Variants in SMO observed in about 807,000 individuals in gnomAD.
SMO encodes the protein smoothened, frizzled class receptor.
Under a neutral mutation model 81.6 loss-of-function variants are expected in SMO, and 40 were observed. That is an observed-to-expected ratio of 0.49 (90% confidence interval 0.38 to 0.64). SMO has a LOEUF of 0.64. SMO is among the 30% of genes least tolerant of loss of function. The pLI, the probability that SMO is intolerant of heterozygous loss-of-function variation, is 0.00. For missense variants in SMO, 916 were observed against 1,061.1 expected, an observed-to-expected ratio of 0.86 and a Z score of 1.90; for synonymous variants, 434 against 432.1, an observed-to-expected ratio of 1.00 and a Z score of -0.05.
rs1793890569 is a variant in SMO at position 129,212,386 on chromosome 7, G to A, written c.2299G>A (p.Gly767Arg). ...GGCTCATGGCCGCCGACAGGGCCTG[G>A]GGCCTATTCACTCCCGCACCAACCT... The part of the protein sequence containing the change: ...AWAHGRRQGL[G>R]PIHSRTNLMD... The change falls in exon 12 of 12, where the codon GGG (glycine) becomes AGG (arginine). Residue 767 changes from glycine (G) to arginine (R), a missense_variant. Coordinates refer to ENST00000249373, the MANE Select transcript of SMO (RefSeq NM_005631.5). The surrounding 1 kb of genome is among the most constrained non-coding windows in gnomAD (Gnocchi z 5.0). The A allele has an allele frequency of 6.2e-7, 1 of 1,614,078 alleles. No homozygotes were observed. The highest frequency in any genetic ancestry group is 8.5e-7 in the Non-Finnish European group (1 of 1,180,044).
At chr7:129,209,458 C>T in intron 8 of SMO, 61 bp downstream of exon 8, 1 of 1,029,522 alleles carries the variant, frequency 9.7e-7, no homozygotes, top group Non-Finnish European at 1.5e-6. Context: ...TAAAGACACC[C>T]ACCTCCACCC....
chr7:129,213,478 C>T lies in SMO; in HGVS notation c.*1027C>T. ...TTTCAAGAATCAGACAGCAGGAAGC[C>T]ATAGATGCTGGCTGGGTTCCAGGTT... is the stretch of plus-strand genomic sequence containing the variant. On this transcript the variant is annotated 3_prime_UTR_variant, in exon 12 of 12. Coordinates refer to ENST00000249373, the MANE Select transcript of SMO (RefSeq NM_005631.5). 1 of 232,664 alleles carries T rather than the reference C, an allele frequency of 4.3e-6. No individual in the cohort carries two copies. The highest frequency in any genetic ancestry group is 6.1e-5 in the East Asian group (1 of 16,438). The allele number at this position is 232,664 out of a possible 1,614,324, so 14.4% of individuals were successfully genotyped here. A position where few individuals can be genotyped will look rare whatever the true frequency, so the allele number is the denominator to read the frequency against.
chr7:129,201,234 A>G (rs1443651767), intron 1 of SMO, among the ~76,000 whole-genome samples: 1 of 151,788 alleles, frequency 6.6e-6, no homozygotes, highest in African/African-American at 2.4e-5. Context: ...TTTAGTAGAG[A>G]CAGGGTTTCA....
chr7:129,199,230 G>A, intron 1 of SMO, among the ~76,000 whole-genome samples: 1 of 137,754 alleles, frequency 7.3e-6, no homozygotes, highest in Non-Finnish European at 1.5e-5. Context: ...CACCCAGACT[G>A]GAGTGCAATG....
rs572939125 is a variant in SMO, at chr7:129,206,096, G to C, written c.921-54G>C. Reference sequence around the variant, plus strand: ...GTCTGGGCACAGGGTGGGGAGACCAGGTAGAGGGAGTACAGAGTGACCGCC... The same window carrying C: ...GTCTGGGCACAGGGTGGGGAGACCACGTAGAGGGAGTACAGAGTGACCGCC... On this transcript the variant is annotated intron_variant, in intron 4 of 11. Transcript: ENST00000249373. The surrounding 1 kb of genome is among the most constrained non-coding windows in gnomAD (Gnocchi z 4.4). 3 of 1,393,810 alleles carry C rather than the reference G, an allele frequency of 2.2e-6. No individual in the cohort carries two copies. Among genetic ancestry groups the C allele is most frequent in the South Asian group, 1.3e-5 (1 of 76,460 alleles). 86.3% of individuals were successfully genotyped at this position (1,393,810 alleles called of 1,614,324 possible).
At position 129,212,499 on chromosome 7, in the gene SMO, C is replaced by A. The variant is rs2150657544; in HGVS notation, c.*48C>A. The A allele has an allele frequency of 1.3e-6, 2 of 1,531,662 alleles. No individual in the cohort carries two copies. Among genetic ancestry groups the A allele is most frequent in the South Asian group, 2.4e-5 (2 of 84,832 alleles). 94.9% of individuals were successfully genotyped at this position (1,531,662 alleles called of 1,614,324 possible). On this transcript the variant is annotated 3_prime_UTR_variant, in exon 12 of 12. Transcript: ENST00000249373. The surrounding 1 kb of genome is among the most constrained non-coding windows in gnomAD (Gnocchi z 5.0). ...CAGGAAAGAGAGGAACCAATACCTT[C>A]AAGGCTCTTCTTCCTCACCGAGCAT...
At chr7:129,195,316 T>TAA (rs917994215) in intron 1 of SMO, among the ~76,000 whole-genome samples, 6 of 152,240 alleles carry the variant, frequency 3.9e-5, no homozygotes, top group African/African-American at 1.4e-4. Context: ...TAGTAGAAAG[T>TAA]CAACACTGGT....
chr7:129,203,728 C>A, intron 2 of SMO, 139 bp downstream of exon 2: 1 of 631,608 alleles, frequency 1.6e-6, no homozygotes, highest in Non-Finnish European at 2.7e-6. Flanking sequence ...GTCAACAGGA[C>A]ACAAACTCAA....
In SMO at chr7:129,204,824, T is replaced by C. The variant is rs1224312776; in HGVS notation, c.538-379T>C. Reference sequence around the variant, plus strand: ...TGAGGTCAGGAGTTCAAGACCAGCCTGGCCAACCTGGTGAAACCCCGTCTA... The same window carrying C: ...TGAGGTCAGGAGTTCAAGACCAGCCCGGCCAACCTGGTGAAACCCCGTCTA... On this transcript the variant is annotated intron_variant, in intron 2 of 11. Transcript: ENST00000249373. 2.7e-5 allele frequency among the ~76,000 whole-genome samples: 4 copies of C among 145,514 alleles called. No homozygotes were observed. In the South Asian group the frequency reaches 6.8e-4, roughly 25 times the overall value.
chr7:129,191,415 A>G (rs1793480266), intron 1 of SMO, among the ~76,000 whole-genome samples: 1 of 152,196 alleles, frequency 6.6e-6, no homozygotes, highest in Non-Finnish European at 1.5e-5. Flanking sequence ...GCCAGCACTG[A>G]GCCCAGCACC....
In SMO at chr7:129,212,007, G is replaced by C. The variant is rs999493348; in HGVS notation, c.1937-17G>C. 6.4e-7 allele frequency: 1 copy of C among 1,567,878 alleles called. No homozygotes were observed. The highest frequency in any genetic ancestry group is 1.2e-5 in the South Asian group (1 of 85,666). Reference sequence around the variant, plus strand: ...AGAGCCAGGGCCCCAGGCTCGTGTTGTCTCTCCTCCTGTCAGTGCCCCCAG... The same window carrying C: ...AGAGCCAGGGCCCCAGGCTCGTGTTCTCTCTCCTCCTGTCAGTGCCCCCAG... On this transcript the variant is annotated splice_polypyrimidine_tract_variant and intron_variant, in intron 11 of 11. Coordinates refer to ENST00000249373, the MANE Select transcript of SMO (RefSeq NM_005631.5). The surrounding 1 kb of genome is among the most constrained non-coding windows in gnomAD (Gnocchi z 5.0).
chr7:129,200,495 C>G (rs1193021909), intron 1 of SMO, among the ~76,000 whole-genome samples: 1 of 151,784 alleles, frequency 6.6e-6, no homozygotes, highest in East Asian at 1.9e-4. Context: ...ATTTTTTTAT[C>G]CATCTGGACT....
chr7:129,211,872 G>A lies in SMO; in HGVS notation c.1936+102G>A. The A allele has an allele frequency of 6.6e-7, 1 of 1,510,160 alleles. No homozygotes were observed. Among genetic ancestry groups the A allele is most frequent in the Non-Finnish European group, 9.1e-7 (1 of 1,095,844 alleles). The allele number at this position is 1,510,160 out of a possible 1,614,324, so 93.5% of individuals were successfully genotyped here. On this transcript the variant is annotated intron_variant, in intron 11 of 11. Coordinates refer to ENST00000249373, the MANE Select transcript of SMO (RefSeq NM_005631.5). The surrounding 1 kb of genome is among the most constrained non-coding windows in gnomAD (Gnocchi z 4.6). The stretch of plus-strand genomic sequence containing the variant: ...CTGTCGGAGGAGGAGGAAGAGGAAG[G>A]AAAGGCCCCAGAGGATCTGAAGAGT...
rs747678723 is a variant in SMO, at chr7:129,206,568, A to G, written c.1245A>G (p.Gly415=). Residue 415 remains glycine (G), a synonymous_variant, in exon 6 of 12, where the codon GGA becomes GGG. Transcript: ENST00000249373. This position sits in a 1 kb window ranked among gnomAD's most constrained non-coding sequence, Gnocchi z 4.4. ...CAATCGGCCTGGTGCTCATCGTGGGAGGCTACTTCCTCATCCGAGGTGAGT... is the reference window on the plus strand; with the variant it reads ...CAATCGGCCTGGTGCTCATCGTGGGGGGCTACTTCCTCATCCGAGGTGAGT... ...LAPIGLVLIV[G]GYFLIRGVMT... is the part of the protein sequence containing the mutation. The G allele has an allele frequency of 5.0e-6, 8 of 1,614,128 alleles. No individual in the cohort carries two copies. The South Asian group carries it at 8.8e-5, about 18-fold the overall frequency.
rs1020359825 is a variant in SMO, at chr7:129,206,645, C to T, written c.1264+58C>T. On this transcript the variant is annotated intron_variant, in intron 6 of 11. Transcript: ENST00000249373. This position sits in a 1 kb window ranked among gnomAD's most constrained non-coding sequence, Gnocchi z 4.4. ...AACAAAATATACTGGGCACTTGCTG[C>T]CAGTACTGGGAGCTGCCAGCACGGC... 4 of 1,584,290 alleles carry T rather than the reference C, an allele frequency of 2.5e-6. No homozygotes were observed. The African/African-American group carries it at 5.4e-5, about 21-fold the overall frequency.
At chr7:129,195,394 G>A (rs1793556599) in intron 1 of SMO, among the ~76,000 whole-genome samples, 1 of 152,078 alleles carries the variant, frequency 6.6e-6, no homozygotes, top group Admixed American at 6.6e-5. Context: ...GCTATATTGT[G>A]GCATATATTT....
rs774356727 is a variant in SMO at position 129,206,667 on chromosome 7, C to T, written c.1264+80C>T. On this transcript the variant is annotated intron_variant, in intron 6 of 11. Coordinates refer to ENST00000249373, the MANE Select transcript of SMO (RefSeq NM_005631.5). The surrounding 1 kb of genome is among the most constrained non-coding windows in gnomAD (Gnocchi z 4.4). ...CTGCCAGTACTGGGAGCTGCCAGCA[C>T]GGCTGCCCCCATGCTGAAACCCCAG... 186 of 1,494,382 alleles carry T rather than the reference C, an allele frequency of 1.2e-4. No homozygotes were observed. The highest frequency in any genetic ancestry group is 4.0e-4 in the Middle Eastern group (2 of 4,970). The allele number at this position is 1,494,382 out of a possible 1,614,324, so 92.6% of individuals were successfully genotyped here.
At chr7:129,202,162 A>G (rs1793682585) in intron 1 of SMO, among the ~76,000 whole-genome samples, 1 of 152,206 alleles carries the variant, frequency 6.6e-6, no homozygotes, top group African/African-American at 2.4e-5. Flanking sequence ...GTACTGTGCC[A>G]AGGGCATTTA....
chr7:129,200,115 TC>T (rs1197818174), intron 1 of SMO, among the ~76,000 whole-genome samples: 1 of 152,188 alleles, frequency 6.6e-6, no homozygotes, highest in Non-Finnish European at 1.5e-5. Context: ...CCTTCTCCAC[TC>T]CAAGGTTTAA....
Sources: allele counts gnomAD v4.1 joint callset (sites outside exome capture counted in the v4.1 genomes callset), GRCh38; gene constraint gnomAD v4.1.1; non-coding constraint Gnocchi (gnomAD v3.1); transcripts MANE v1.5; gene names NCBI Gene and HGNC (gene_info 2026-07-23, HGNC 2026-07-21).